The following TNFSF4 variants were observed in gnomAD, a reference collection of about 807,000 sequenced individuals.
The protein encoded by TNFSF4 is tumor necrosis factor ligand superfamily member 4.
A neutral mutation model predicts 7.3 loss-of-function variants in TNFSF4; 4 were observed. That is an observed-to-expected ratio of 0.55 (90% confidence interval 0.27 to 1.25). The LOEUF is 1.25. Among genes scored for constraint, TNFSF4 ranks in the 50% most tolerant of loss-of-function variants. The probability of loss-of-function intolerance (pLI) is 0.12; values close to 1 mark genes in which losing one functional copy is unlikely to be tolerated. For synonymous variants in TNFSF4, 76 were observed against 83.7 expected (o/e 0.91, Z 0.50); for missense variants, 181 against 208.8 (o/e 0.87, Z 0.82).
At chr1:173,231,337 G>A in the TNFSF4 span, among the ~76,000 whole-genome samples, 61 of 151,974 alleles carry the variant, frequency 4.0e-4, no homozygotes, top group African/African-American at 1.2e-3. Context: ...AGAACCAAAG[G>A]CAAAAACCAC....
In TNFSF4 at chr1:173,186,472, G is replaced by C. The variant is rs776128770; in HGVS notation, c.*44C>G. On this transcript the variant is annotated 3_prime_UTR_variant, in exon 3 of 3. Coordinates refer to ENST00000281834, the MANE Select transcript of TNFSF4 (RefSeq NM_003326.5). ...TCCATGCCCTGTCCACCCCCAGCTT[G>C]GTGTTCATGCTGGTGCCTGGTTTTA... 1.8e-5 allele frequency: 27 copies of C among 1,487,058 alleles called. No individual in the cohort carries two copies. In the African/African-American group the frequency reaches 3.6e-4, roughly 20 times the overall value. The allele number at this position is 1,487,058 out of a possible 1,614,324, so 92.1% of individuals were successfully genotyped here.
At chr1:173,196,732 C>T (rs1020796007) in intron 1 of TNFSF4, among the ~76,000 whole-genome samples, 7 of 152,204 alleles carry the variant, frequency 4.6e-5, no homozygotes, top group Admixed American at 3.9e-4. Context: ...TGACCTAATG[C>T]ACCAACTCTT....
In TNFSF4 at chr1:173,186,485, G is replaced by A; in HGVS notation, c.*31C>T. ...CACCCCCAGCTTGGTGTTCATGCTG[G>A]TGCCTGGTTTTAGATATTGCCATCA... On this transcript the variant is annotated 3_prime_UTR_variant, in exon 3 of 3. Transcript: ENST00000281834. The A allele has an allele frequency of 6.4e-7, 1 of 1,551,506 alleles. No homozygotes were observed. The highest frequency in any genetic ancestry group is 1.2e-5 in the South Asian group (1 of 83,758).
intron 1 of TNFSF4, among the ~76,000 whole-genome samples, chr1:173,202,043 T>C (rs1319770337): frequency 6.9e-6 from 1 of 144,074 alleles, no homozygotes; most frequent in African/African-American, 2.7e-5. Context: ...GAGAAGTAAT[T>C]GCTATATATA....
the TNFSF4 span, among the ~76,000 whole-genome samples, chr1:173,419,963 A>G: frequency 0.083 from 12,586 of 152,184 alleles, 754 homozygotes; most frequent in East Asian, 0.27. Context: ...GTCCTCTATC[A>G]GCATCAATGC....
At chr1:173,210,021 A>C (rs1376998560), upstream of TNFSF4, among the ~76,000 whole-genome samples, 1 of 152,118 alleles carries the variant, frequency 6.6e-6, no homozygotes, top group Non-Finnish European at 1.5e-5. Flanking sequence ...GAAAGAAGCA[A>C]AAAACATTTG....
At chr1:173,225,647 A>C in the TNFSF4 span, among the ~76,000 whole-genome samples, 1 of 152,230 alleles carries the variant, frequency 6.6e-6, no homozygotes, top group African/African-American at 2.4e-5. Flanking sequence ...TATCTCAGCA[A>C]ATGCTAGGTT....
chr1:173,368,612 G>C, the TNFSF4 span, among the ~76,000 whole-genome samples: 1,986 of 152,240 alleles, frequency 0.013, 46 homozygotes, highest in African/African-American at 0.046. Flanking sequence ...GGGAGCGTTG[G>C]TTTTCCTGGA....
At chr1:173,365,112 A>C in the TNFSF4 span, among the ~76,000 whole-genome samples, 1 of 151,766 alleles carries the variant, frequency 6.6e-6, no homozygotes, top group Admixed American at 6.6e-5. Flanking sequence ...AGACAGAAAA[A>C]AGAATGCATC....
At chr1:173,207,628 T>C (rs1452874243), upstream of TNFSF4, among the ~76,000 whole-genome samples, 1 of 152,102 alleles carries the variant, frequency 6.6e-6, no homozygotes, top group African/African-American at 2.4e-5. Flanking sequence ...TTCCCCAAGG[T>C]GTCTTAAATC....
At chr1:173,273,318 T>C in the TNFSF4 span, among the ~76,000 whole-genome samples, 1 of 152,174 alleles carries the variant, frequency 6.6e-6, no homozygotes, top group Non-Finnish European at 1.5e-5. Flanking sequence ...TTCGTGTTGC[T>C]CCTGATACGG....
At chr1:173,394,833 T>C in the TNFSF4 span, among the ~76,000 whole-genome samples, 2 of 152,032 alleles carry the variant, frequency 1.3e-5, no homozygotes, top group African/African-American at 4.8e-5. Flanking sequence ...GTCTGTAGCT[T>C]GCAGATAGCA....
intron 1 of TNFSF4, among the ~76,000 whole-genome samples, chr1:173,202,070 T>TATATACACACA (rs150074641): frequency 1.1e-4 from 17 of 149,658 alleles, no homozygotes; most frequent in South Asian, 6.3e-4. Context: ...TATATATATA[T>TATATACACACA]ACACACACAC....
At chr1:173,188,496 C>T in intron 2 of TNFSF4, 25 bp downstream of exon 2, 1 of 1,559,890 alleles carries the variant, frequency 6.4e-7, no homozygotes, top group Non-Finnish European at 8.8e-7. Context: ...AAATATGAAT[C>T]AATTAAACTT....
the TNFSF4 span, among the ~76,000 whole-genome samples, chr1:173,232,217 T>C: frequency 6.6e-6 from 1 of 152,238 alleles, no homozygotes; most frequent in African/African-American, 2.4e-5. Context: ...GGTATTTTAT[T>C]CTCTTTGAAG....
chr1:173,435,401 G>A, the TNFSF4 span, among the ~76,000 whole-genome samples: 1 of 152,196 alleles, frequency 6.6e-6, no homozygotes, highest in East Asian at 1.9e-4. Flanking sequence ...TTTGGTGTAA[G>A]GATGTAACTG....
chr1:173,422,152 G>C, the TNFSF4 span, among the ~76,000 whole-genome samples: 1 of 152,070 alleles, frequency 6.6e-6, no homozygotes, highest in African/African-American at 2.4e-5. Context: ...TTAGAACAGT[G>C]CCAGCCAAAT....
chr1:173,443,384 C>T, the TNFSF4 span, among the ~76,000 whole-genome samples: 3 of 152,056 alleles, frequency 2.0e-5, no homozygotes, highest in South Asian at 6.2e-4. Context: ...TACTCACATA[C>T]ATGCATACAA....
the TNFSF4 span, among the ~76,000 whole-genome samples, chr1:173,233,439 G>A: frequency 6.6e-6 from 1 of 152,174 alleles, no homozygotes; most frequent in Non-Finnish European, 1.5e-5. Context: ...CCCCAACCTA[G>A]CAAGGCAGGC....
Sources: gnomAD v4.1 joint callset for allele counts (sites outside exome capture counted in the v4.1 genomes callset) on GRCh38, gnomAD v4.1.1 for gene constraint, MANE v1.5 for transcripts, NCBI Gene and HGNC (gene_info 2026-07-23, HGNC 2026-07-21) for gene names.